SCUBE2: variants seen among roughly 807,000 people sequenced by gnomAD.
The protein encoded by SCUBE2 is signal peptide, CUB and EGF-like domain-containing protein 2.
SCUBE2 carries 114 observed loss-of-function variants against 125.9 expected under a neutral mutation model. The ratio of observed to expected loss-of-function variants is 0.91; its 90% CI spans 0.78 to 1.06. The LOEUF (loss-of-function observed/expected upper bound fraction) is 1.06, where lower values mean the gene tolerates loss of function less well. Ranked by LOEUF, SCUBE2 falls within the 50% of genes least tolerant of loss-of-function variation. The pLI is 0.00. For synonymous variants in SCUBE2, 459 were observed against 492.9 expected, an observed-to-expected ratio of 0.93 and a Z score of 0.91; for missense variants, 1,255 against 1,301.8, an observed-to-expected ratio of 0.96 and a Z score of 0.55.
chr11:9,062,425 G>T (rs946590104), intron 7 of SCUBE2, among the ~76,000 whole-genome samples: 1 of 152,188 alleles, frequency 6.6e-6, no homozygotes, highest in Non-Finnish European at 1.5e-5. Context: ...TCACTGCCTC[G>T]TCACCCAAAC....
At chr11:9,070,022 C>T (rs892312883) in intron 4 of SCUBE2, among the ~76,000 whole-genome samples, 1 of 152,176 alleles carries the variant, frequency 6.6e-6, no homozygotes, top group Non-Finnish European at 1.5e-5. Flanking sequence ...CTCGTACGGG[C>T]CACATGCCCC....
At chr11:9,087,707 C>G (rs1255853442) in intron 2 of SCUBE2, among the ~76,000 whole-genome samples, 1 of 152,186 alleles carries the variant, frequency 6.6e-6, no homozygotes, top group African/African-American at 2.4e-5. Flanking sequence ...CCAAACTTGC[C>G]CGTCATAATC....
chr11:9,042,099 C>T lies in SCUBE2; in HGVS notation c.2002+5257G>A, dbSNP rs115020530. Among the ~76,000 whole-genome samples the T allele has an allele frequency of 7.1e-3, 1,076 of 152,172 alleles. 16 individuals are homozygous for T. Among genetic ancestry groups the T allele is most frequent in the African/African-American group, 0.025 (1,028 of 41,490 alleles). ...GTTGTTTCGCTAGACTCCCAGACACCCATGGACACCTCTGCCTAGAAATCT... is the reference window on the plus strand; with the variant it reads ...GTTGTTTCGCTAGACTCCCAGACACTCATGGACACCTCTGCCTAGAAATCT... On this transcript the variant is annotated intron_variant, in intron 16 of 22. Transcript: ENST00000649792.
intron 2 of SCUBE2, among the ~76,000 whole-genome samples, chr11:9,083,944 C>T (rs1183843408): frequency 6.6e-6 from 1 of 152,062 alleles, no homozygotes; most frequent in African/African-American, 2.4e-5. Flanking sequence ...AATATAGATA[C>T]GTGTGCATGC....
In SCUBE2 at chr11:9,036,039, C is replaced by A. The variant is rs903452875; in HGVS notation, c.2003-2243G>T. Among the ~76,000 whole-genome samples the A allele has an allele frequency of 1.1e-4, 16 of 152,260 alleles. 1 individual carries two copies. The highest frequency in any genetic ancestry group is 3.9e-4 in the African/African-American group (16 of 41,544). On this transcript the variant is annotated intron_variant, in intron 16 of 22. Transcript: ENST00000649792. ...AAGTAGCTGGGATTACAGGCAAGCA[C>A]CACCATGCCGGGCTAATTTTTTGTA...
intron 16 of SCUBE2, among the ~76,000 whole-genome samples, chr11:9,039,683 G>A (rs1170304182): frequency 1.3e-5 from 2 of 152,110 alleles, no homozygotes; most frequent in Non-Finnish European, 2.9e-5. Context: ...AAGCTCCTCT[G>A]GTTTAGAATA....
chr11:9,074,642 G>C (rs7930311), intron 3 of SCUBE2, 27 bp from the exon 4 acceptor site: 962,088 of 1,612,258 alleles, frequency 0.6, 299,108 homozygotes, highest in Non-Finnish European at 0.65. Context: ...ATTAGCCTTT[G>C]CTTTGGTGAC....
chr11:9,040,383 A>T (rs890603202), intron 16 of SCUBE2, among the ~76,000 whole-genome samples: 6 of 152,240 alleles, frequency 3.9e-5, no homozygotes, highest in African/African-American at 1.4e-4. Flanking sequence ...GTGATCTGTC[A>T]ATCTGATAAC....
At chr11:9,046,882 CCTGGATTCAGCTTTG>C (rs1313786271) in intron 16 of SCUBE2, among the ~76,000 whole-genome samples, 1 of 152,078 alleles carries the variant, frequency 6.6e-6, no homozygotes, top group Non-Finnish European at 1.5e-5. Flanking sequence ...AACAAGTGCC[CCTGGATTCAGCTTTG>C]CTTACTTAGA....
chr11:9,063,823 G>A (rs1476986940), intron 7 of SCUBE2, among the ~76,000 whole-genome samples: 1 of 152,170 alleles, frequency 6.6e-6, no homozygotes, highest in Non-Finnish European at 1.5e-5. Context: ...TTTTCACCAA[G>A]AAAATTGATT....
chr11:9,046,859 G>A (rs772718571), intron 16 of SCUBE2, among the ~76,000 whole-genome samples: 7 of 152,198 alleles, frequency 4.6e-5, no homozygotes, highest in Non-Finnish European at 8.8e-5. Context: ...GCCTAAGGCT[G>A]ACAATTCTCT....
At chr11:9,080,822 C>T (rs960118917) in intron 2 of SCUBE2, among the ~76,000 whole-genome samples, 1 of 151,798 alleles carries the variant, frequency 6.6e-6, no homozygotes, top group Non-Finnish European at 1.5e-5. Context: ...TGAAGACAAG[C>T]CACAGATTGG....
intron 2 of SCUBE2, among the ~76,000 whole-genome samples, chr11:9,086,776 C>A (rs1451216769): frequency 6.7e-6 from 1 of 148,446 alleles, no homozygotes; most frequent in Non-Finnish European, 1.5e-5. Context: ...TTGCTTGAAC[C>A]TGGGAGGCGG....
chr11:9,077,505 C>T (rs567781214), intron 3 of SCUBE2, among the ~76,000 whole-genome samples: 1 of 152,272 alleles, frequency 6.6e-6, no homozygotes, highest in African/African-American at 2.4e-5. Flanking sequence ...TGTCTTCTAG[C>T]TAATATATTT....
chr11:9,068,903 G>A (rs902502155), intron 5 of SCUBE2, among the ~76,000 whole-genome samples: 1 of 152,216 alleles, frequency 6.6e-6, no homozygotes, highest in Admixed American at 6.5e-5. Flanking sequence ...ATTGAAGGTT[G>A]AGTGAGAGTC....
chr11:9,052,916 C>T, intron 12 of SCUBE2, 84 bp from the exon 13 acceptor site: 1 of 1,169,712 alleles, frequency 8.5e-7, no homozygotes, highest in Non-Finnish European at 1.2e-6. Flanking sequence ...CCCCACCCCA[C>T]TCCACATGGG....
chr11:9,021,205 G>C lies in SCUBE2; in HGVS notation c.2935-8C>G. On this transcript the variant is annotated splice_polypyrimidine_tract_variant and splice_region_variant and intron_variant, in intron 22 of 22. Coordinates refer to ENST00000649792, the MANE Select transcript of SCUBE2 (RefSeq NM_001367977.2). The stretch of plus-strand genomic sequence containing the variant: ...CTTGATAAGTTTCTTATCCTAAAAA[G>C]AACAGAATTTTTGTTACTGGGCCAA... 6.5e-7 allele frequency: 1 copy of C among 1,544,152 alleles called. No homozygotes were observed. The highest frequency in any genetic ancestry group is 8.7e-7 in the Non-Finnish European group (1 of 1,146,576).
At chr11:9,028,670 A>G (rs1856003085) in intron 19 of SCUBE2, among the ~76,000 whole-genome samples, 1 of 152,218 alleles carries the variant, frequency 6.6e-6, no homozygotes, top group East Asian at 1.9e-4. Flanking sequence ...ACTAGAAAAA[A>G]AATAAATAGG....
In SCUBE2 at chr11:9,065,835, T is replaced by C. The variant is rs994315499; in HGVS notation, c.850+56A>G. On this transcript the variant is annotated intron_variant, in intron 7 of 22. Transcript: ENST00000649792. ...CCAAGTTCAGGTCTGATGCAATAAG[T>C]TGGGGAGGGAAAAGGACAATTGCAG... The C allele has an allele frequency of 3.5e-5, 52 of 1,465,848 alleles. No homozygotes were observed. The Admixed American group carries it at 6.4e-4, about 18-fold the overall frequency. 90.8% of individuals were successfully genotyped at this position (1,465,848 alleles called of 1,614,324 possible).
Sources: gnomAD v4.1 joint callset for allele counts (sites outside exome capture counted in the v4.1 genomes callset) on GRCh38, gnomAD v4.1.1 for gene constraint, MANE v1.5 for transcripts, NCBI Gene and HGNC (gene_info 2026-07-23, HGNC 2026-07-21) for gene names.